Variants in FBN1 observed in about 807,000 individuals in gnomAD.
FBN1 encodes fibrillin 1, also known as fibrillin-1.
A neutral mutation model predicts 365.1 loss-of-function variants in FBN1; 29 were observed. That is an observed-to-expected ratio of 0.08 (90% CI 0.06 to 0.11). FBN1 has a LOEUF of 0.11. Ranked by LOEUF, FBN1 falls within the 10% of genes least tolerant of loss-of-function variation. FBN1 has a pLI of 1.00. For synonymous variants in FBN1, 1,210 were observed against 1,270.5 expected (o/e 0.95, Z 1.01); for missense variants, 2,476 against 3,703.2 (o/e 0.67, Z 8.60).
intron 48 of FBN1, 47 bp downstream of exon 48, chr15:48,445,329 G>A (rs1488145823): frequency 6.2e-7 from 1 of 1,600,842 alleles, no homozygotes; most frequent in East Asian, 2.2e-5. Context: ...TTCCTTGAGT[G>A]GTCTCTGGAA....
intron 6 of FBN1, among the ~76,000 whole-genome samples, chr15:48,575,814 C>A (rs1487478809): frequency 8.5e-6 from 1 of 117,504 alleles, no homozygotes; most frequent in Admixed American, 8.6e-5. Flanking sequence ...CACACACACA[C>A]ACACACACAC....
At position 48,468,041 on chromosome 15, in the gene FBN1, G is replaced by A; in HGVS notation, c.4644C>T (p.Ala1548=). ...IRPRGDNGDT[A]CSNEIGVGVS... The stretch of plus-strand genomic sequence containing the variant: ...CACCAACTCCAATTTCATTGCTGCA[G>A]GCTGTATCTCCATTGTCTCCTCGAG... The change falls in exon 38 of 66, where the codon GCC becomes GCT. Residue 1548 remains alanine (A), a synonymous_variant. Transcript: ENST00000316623. 1.2e-6 allele frequency: 2 copies of A among 1,614,146 alleles called. No homozygotes were observed. Among genetic ancestry groups the A allele is most frequent in the Non-Finnish European group, 1.7e-6 (2 of 1,180,010 alleles).
chr15:48,477,747 G>A (rs932078687), intron 32 of FBN1, among the ~76,000 whole-genome samples: 2 of 152,168 alleles, frequency 1.3e-5, no homozygotes, highest in Admixed American at 6.5e-5. Flanking sequence ...GCACAAGTTC[G>A]CTGCAAACAG....
At chr15:48,463,311 G>A (rs1420904673) in intron 41 of FBN1, 71 bp from the exon 42 acceptor site, 2 of 1,403,544 alleles carry the variant, frequency 1.4e-6, no homozygotes, top group Non-Finnish European at 2.0e-6. Context: ...AAATTTCTAA[G>A]TGGATACTCA....
chr15:48,500,748 T>C (rs2043647720), intron 17 of FBN1, among the ~76,000 whole-genome samples: 1 of 152,158 alleles, frequency 6.6e-6, no homozygotes, highest in African/African-American at 2.4e-5. Flanking sequence ...AACTGATCCA[T>C]GTCTGTGAAA....
intron 64 of FBN1, among the ~76,000 whole-genome samples, chr15:48,414,406 A>T (rs2042886401): frequency 6.6e-6 from 1 of 152,110 alleles, no homozygotes; most frequent in African/African-American, 2.4e-5. Context: ...GTGTGTGTGT[A>T]CACGCATGTG....
Position 48,516,342 on chromosome 15 carries a change from A to G in FBN1, c.1168T>C (p.Ser390Pro), listed in dbSNP as rs779113310. The G allele has an allele frequency of 4.3e-6, 7 of 1,613,746 alleles. No individual in the cohort carries two copies. The highest frequency in any genetic ancestry group is 4.5e-5 in the East Asian group (2 of 44,892). ...RATEDFNKLC[S>P]VPMVIPGRPE... is the part of the protein sequence containing the mutation. Reference sequence around the variant, plus strand: ...CTCCCAGGAATTACCATAGGAACAGAGCACAGCTTGTTGAAATCCTCTAGA... The same window carrying G: ...CTCCCAGGAATTACCATAGGAACAGGGCACAGCTTGTTGAAATCCTCTAGA... Residue 390 changes from serine (S) to proline (P), a missense_variant, in exon 11 of 66, where the codon TCT becomes CCT. By Grantham distance (74) the Ser-to-Pro change is moderately conservative. Coordinates refer to ENST00000316623, the MANE Select transcript of FBN1 (RefSeq NM_000138.5).
At chr15:48,583,944 G>A (rs1175243563) in intron 6 of FBN1, among the ~76,000 whole-genome samples, 1 of 152,078 alleles carries the variant, frequency 6.6e-6, no homozygotes. Context: ...CATCTGAATA[G>A]GGGATCCAAA....
chr15:48,442,163 A>G (rs1349534478), intron 49 of FBN1, among the ~76,000 whole-genome samples: 1 of 152,176 alleles, frequency 6.6e-6, no homozygotes, highest in Non-Finnish European at 1.5e-5. Context: ...ACCCTAGGCC[A>G]GGAAAGAAGC....
At chr15:48,496,263 C>T (rs2043608016) in intron 19 of FBN1, 38 bp from the exon 20 acceptor site, 5 of 1,612,674 alleles carry the variant, frequency 3.1e-6, no homozygotes. Flanking sequence ...AAAAAGGGCC[C>T]AAACTTTGCC....
intron 60 of FBN1, among the ~76,000 whole-genome samples, chr15:48,423,354 TGA>T (rs1382570817): frequency 6.6e-6 from 1 of 152,168 alleles, no homozygotes; most frequent in African/African-American, 2.4e-5. Context: ...GGACCTACAC[TGA>T]GAGACCCTCC....
intron 4 of FBN1, 136 bp downstream of exon 4, chr15:48,610,592 T>G: frequency 1.4e-6 from 1 of 698,410 alleles, no homozygotes; most frequent in Non-Finnish European, 2.5e-6. Flanking sequence ...TCCAAGTATT[T>G]TGGGCAGAAC....
At chr15:48,568,024 A>AGAAAGAAAGAAAG in intron 6 of FBN1, among the ~76,000 whole-genome samples, 4 of 117,238 alleles carry the variant, frequency 3.4e-5, no homozygotes, top group African/African-American at 1.5e-4. Context: ...AAAGAAAGAA[A>AGAAAGAAAGAAAG]GAAAGAAAGA....
chr15:48,503,042 G>A (rs969970327), intron 17 of FBN1, among the ~76,000 whole-genome samples: 1 of 152,066 alleles, frequency 6.6e-6, no homozygotes. Context: ...GCTCACACCT[G>A]TAATCCCAGC....
At chr15:48,446,678 T>C (rs771399213) in intron 47 of FBN1, 28 bp downstream of exon 47, 3 of 1,359,366 alleles carry the variant, frequency 2.2e-6, no homozygotes, top group South Asian at 1.2e-5. Flanking sequence ...CTGACTTCCT[T>C]TGCTGATGCA....
chr15:48,645,412 G>A (rs1159723177), intron 1 of FBN1, among the ~76,000 whole-genome samples, 163 bp downstream of exon 1: 1 of 152,248 alleles, frequency 6.6e-6, no homozygotes, highest in Non-Finnish European at 1.5e-5. Flanking sequence ...CCAGGAAGCT[G>A]TCAGGCAGGG....
chr15:48,410,979 T>C lies in FBN1; in HGVS notation c.*11A>G, dbSNP rs1399815181. The C allele has an allele frequency of 6.2e-6, 10 of 1,612,230 alleles. No individual in the cohort carries two copies. The highest frequency in any genetic ancestry group is 8.5e-6 in the Non-Finnish European group (10 of 1,179,440). ...GTTTTTCTTTTAATTATTTGGTCTC[T>C]GGATGGTGAATTAATGAAGCAAAAC... On this transcript the variant is annotated 3_prime_UTR_variant, in exon 66 of 66. Transcript: ENST00000316623.
At chr15:48,597,165 T>C (rs904252552) in intron 5 of FBN1, among the ~76,000 whole-genome samples, 71 of 152,168 alleles carry the variant, frequency 4.7e-4, no homozygotes, top group African/African-American at 1.6e-3. Flanking sequence ...TCCATTCAAA[T>C]TCCTTGCTCC....
chr15:48,547,706 T>C (rs2044105064), intron 6 of FBN1, among the ~76,000 whole-genome samples: 2 of 149,902 alleles, frequency 1.3e-5, no homozygotes, highest in Non-Finnish European at 3.0e-5. Flanking sequence ...AGGTTGTTTG[T>C]ATATCTTCTC....
Sources: gnomAD v4.1 joint callset for allele counts (sites outside exome capture counted in the v4.1 genomes callset) on GRCh38, gnomAD v4.1.1 for gene constraint, MANE v1.5 for transcripts, NCBI Gene and HGNC (gene_info 2026-07-23, HGNC 2026-07-21) for gene names.